The following UTRN variants were observed in gnomAD, a reference collection of about 807,000 sequenced individuals.
UTRN encodes utrophin.
UTRN carries 283 observed loss-of-function variants against 463.9 expected under a neutral mutation model. That is an observed-to-expected ratio of 0.61 (90% CI 0.55 to 0.67). The LOEUF is 0.67. UTRN is among the 30% of genes least tolerant of loss of function. The probability of loss-of-function intolerance (pLI) is 0.00; values close to 1 mark genes in which losing one functional copy is unlikely to be tolerated. For synonymous variants in UTRN, 1,442 were observed against 1,431.5 expected (o/e 1.01, Z -0.17); for missense variants, 3,922 against 4,084.3 (o/e 0.96, Z 1.08).
At chr6:144,290,915 C>A (rs1804179049) in intron 1 of UTRN, among the ~76,000 whole-genome samples, 1 of 151,386 alleles carries the variant, frequency 6.6e-6, no homozygotes, top group Admixed American at 6.6e-5. Flanking sequence ...CAGGTGCACA[C>A]CACCATGCCT....
At chr6:144,678,296 T>G in intron 51 of UTRN, 110 bp from the exon 52 acceptor site, 1 of 1,065,216 alleles carries the variant, frequency 9.4e-7, no homozygotes, top group Non-Finnish European at 1.3e-6. Flanking sequence ...CTTGAATTTC[T>G]TATAATTTAA....
intron 41 of UTRN, among the ~76,000 whole-genome samples, chr6:144,526,583 G>A (rs1373012053): frequency 3.3e-5 from 5 of 151,892 alleles, no homozygotes; most frequent in Non-Finnish European, 7.4e-5. Flanking sequence ...TTATGTGTCG[G>A]GTGAGTCTCT....
intron 3 of UTRN, among the ~76,000 whole-genome samples, chr6:144,420,980 A>G (rs961891547): frequency 1.3e-5 from 2 of 152,078 alleles, no homozygotes; most frequent in Non-Finnish European, 2.9e-5. Flanking sequence ...TTTACTGTAT[A>G]TTTGTGTGAA....
chr6:144,730,513 T>A, intron 54 of UTRN, 27 bp downstream of exon 54: 1 of 1,575,564 alleles, frequency 6.3e-7, no homozygotes, highest in Non-Finnish European at 8.6e-7. Context: ...CACTACATCA[T>A]AAAAACACAT....
At chr6:144,361,702 C>T (rs1425799235) in intron 2 of UTRN, among the ~76,000 whole-genome samples, 1 of 152,142 alleles carries the variant, frequency 6.6e-6, no homozygotes, top group Non-Finnish European at 1.5e-5. Flanking sequence ...GATCCTCCCT[C>T]CTCAGTTTCC....
chr6:144,644,356 T>G (rs1490020196), intron 51 of UTRN, among the ~76,000 whole-genome samples: 2 of 152,180 alleles, frequency 1.3e-5, no homozygotes, highest in African/African-American at 4.8e-5. Flanking sequence ...CTAAACTGAA[T>G]TGGGTTTTTG....
At chr6:144,536,217 T>A (rs1189407940) in intron 43 of UTRN, among the ~76,000 whole-genome samples, 1 of 152,216 alleles carries the variant, frequency 6.6e-6, no homozygotes, top group Non-Finnish European at 1.5e-5. Flanking sequence ...CTCAAATATA[T>A]CTTATTGAAA....
intron 33 of UTRN, among the ~76,000 whole-genome samples, chr6:144,494,413 C>T (rs1328900097): frequency 6.6e-6 from 1 of 152,120 alleles, no homozygotes; most frequent in African/African-American, 2.4e-5. Flanking sequence ...AAGCTGCAGA[C>T]CTTTGCAGTG....
At position 144,451,400 on chromosome 6, in the gene UTRN, C is replaced by T; in HGVS notation, c.2103C>T (p.Asn701=). 2 of 1,613,254 alleles carry T rather than the reference C, an allele frequency of 1.2e-6. No individual in the cohort carries two copies. Among genetic ancestry groups the T allele is most frequent in the Non-Finnish European group, 1.7e-6 (2 of 1,179,762 alleles). Residue 701 remains asparagine, a synonymous_variant, in exon 18 of 75, where the codon AAC becomes AAT. Coordinates refer to ENST00000367545, the MANE Select transcript of UTRN (RefSeq NM_007124.3). ...KFDAISAELL[N]WILKWKTAIQ... Reference sequence around the variant, plus strand: ...ATGCTATAAGTGCAGAGCTGTTGAACTGGATTTTGAAATGGAAAACTGCCA... The same window carrying T: ...ATGCTATAAGTGCAGAGCTGTTGAATTGGATTTTGAAATGGAAAACTGCCA...
At chr6:144,560,567 G>A (rs1230443622) in intron 50 of UTRN, among the ~76,000 whole-genome samples, 2 of 152,124 alleles carry the variant, frequency 1.3e-5, no homozygotes, top group Non-Finnish European at 2.9e-5. Context: ...GAGGGGTGAA[G>A]GGTTGTTATA....
intron 62 of UTRN, among the ~76,000 whole-genome samples, chr6:144,793,098 T>G (rs1776903761): frequency 6.6e-6 from 1 of 152,106 alleles, no homozygotes; most frequent in South Asian, 2.1e-4. Flanking sequence ...AAAACACACC[T>G]TCTTGTACTT....
intron 53 of UTRN, among the ~76,000 whole-genome samples, chr6:144,728,979 G>A (rs1285665731): frequency 1.3e-5 from 2 of 152,124 alleles, no homozygotes; most frequent in Non-Finnish European, 2.9e-5. Context: ...TTTCCAGTAT[G>A]CTTACCATGT....
rs909846719 is a variant in UTRN, at chr6:144,830,640, A to G, written c.9665+1785A>G. On this transcript the variant is annotated intron_variant, in intron 69 of 74. Transcript: ENST00000367545. ...CCACAGGCCACATGTGGCCCAGGAC[A>G]GCTTTGAATGCAGCCCAACACAAAT... is the stretch of plus-strand genomic sequence containing the variant. 5.3e-5 allele frequency among the ~76,000 whole-genome samples: 8 copies of G among 152,314 alleles called. No homozygotes were observed. The East Asian group carries it at 1.5e-3, about 29-fold the overall frequency.
At chr6:144,715,806 G>A (rs1307091604) in intron 53 of UTRN, among the ~76,000 whole-genome samples, 6 of 146,152 alleles carry the variant, frequency 4.1e-5, no homozygotes, top group African/African-American at 1.3e-4. Context: ...CTGGATGCTC[G>A]ATAAAAGTTG....
intron 2 of UTRN, among the ~76,000 whole-genome samples, chr6:144,400,053 A>T (rs1782800689): frequency 6.6e-6 from 1 of 152,184 alleles, no homozygotes; most frequent in African/African-American, 2.4e-5. Context: ...TCTCGTGTTC[A>T]TCCCTCTAAT....
intron 51 of UTRN, among the ~76,000 whole-genome samples, chr6:144,659,333 C>T (rs536388960): frequency 6.6e-6 from 1 of 152,268 alleles, no homozygotes; most frequent in African/African-American, 2.4e-5. Flanking sequence ...TAATAAACAA[C>T]TGCTGGAAAG....
intron 3 of UTRN, among the ~76,000 whole-genome samples, chr6:144,414,201 G>A (rs1379755709): frequency 1.3e-5 from 2 of 151,932 alleles, no homozygotes; most frequent in Admixed American, 6.6e-5. Flanking sequence ...AGAAGGCATC[G>A]GTATCATAGG....
intron 2 of UTRN, among the ~76,000 whole-genome samples, chr6:144,346,426 C>T (rs1227340169): frequency 6.6e-6 from 1 of 152,172 alleles, no homozygotes; most frequent in Non-Finnish European, 1.5e-5. Context: ...CCTAGATTCT[C>T]CTCTCATCAG....
At chr6:144,525,602 AATTTT>A (rs1160951986) in intron 41 of UTRN, among the ~76,000 whole-genome samples, 1 of 151,270 alleles carries the variant, frequency 6.6e-6, no homozygotes, top group Non-Finnish European at 1.5e-5. Flanking sequence ...ATAGTCTGTA[AATTTT>A]ATTTATTTTT....
Sources: gnomAD v4.1 joint callset for allele counts (sites outside exome capture counted in the v4.1 genomes callset) on GRCh38, gnomAD v4.1.1 for gene constraint, MANE v1.5 for transcripts, NCBI Gene and HGNC (gene_info 2026-07-23, HGNC 2026-07-21) for gene names.